The following SEMA6D variants were observed in gnomAD, a reference collection of about 807,000 sequenced individuals.
The protein encoded by SEMA6D is semaphorin-6D.
Under a neutral mutation model 106.6 loss-of-function variants are expected in SEMA6D, and 35 were observed. The ratio of observed to expected loss-of-function variants is 0.33; its 90% confidence interval spans 0.25 to 0.44. The LOEUF is 0.44. Among genes scored for constraint, SEMA6D ranks in the 20% least tolerant of loss-of-function variants. The pLI is 1.00. For synonymous variants in SEMA6D, 499 were observed against 487.7 expected (o/e 1.02, Z -0.31); for missense variants, 1,185 against 1,345.9 (o/e 0.88, Z 1.87).
chr15:47,271,719 A>G (rs1200744028), intron 1 of SEMA6D, among the ~76,000 whole-genome samples: 1 of 152,136 alleles, frequency 6.6e-6, no homozygotes, highest in African/African-American at 2.4e-5. Context: ...TTAAAAAGGT[A>G]TGGCAGAACT....
intron 1 of SEMA6D, among the ~76,000 whole-genome samples, chr15:47,206,949 T>TA (rs879491890): frequency 3.3e-5 from 5 of 151,802 alleles, no homozygotes; most frequent in Non-Finnish European, 7.4e-5. Context: ...AAAAATGCCT[T>TA]AAAAAACAAA....
chr15:47,427,601 G>A (rs986573646), intron 2 of SEMA6D, among the ~76,000 whole-genome samples: 4 of 152,084 alleles, frequency 2.6e-5, no homozygotes, highest in African/African-American at 9.7e-5. Flanking sequence ...CACTGGGTGT[G>A]ACATTACAAA....
rs180800795 is a variant in SEMA6D at position 47,394,687 on chromosome 15, T to C, written c.-238-17706T>C. Among the ~76,000 whole-genome samples the C allele has an allele frequency of 1.0e-3, 155 of 152,298 alleles. 1 individual carries two copies. Among genetic ancestry groups the C allele is most frequent in the African/African-American group, 3.7e-3 (153 of 41,574 alleles). The stretch of plus-strand genomic sequence containing the variant: ...TCACCTCACTTTTGAAATTCTGCAG[T>C]CTTCACTAGCCATTTGCTGGAGTTA... On this transcript the variant is annotated intron_variant, in intron 1 of 19. Coordinates refer to the SEMA6D transcript ENST00000558014.
At chr15:47,595,940 G>A (rs2076527676) in intron 3 of SEMA6D, among the ~76,000 whole-genome samples, 1 of 151,970 alleles carries the variant, frequency 6.6e-6, no homozygotes, top group East Asian at 1.9e-4. Flanking sequence ...AGAGGTCCTT[G>A]CCAGAGTAAT....
chr15:47,421,038 T>G (rs1380288747), intron 2 of SEMA6D, among the ~76,000 whole-genome samples: 2 of 152,182 alleles, frequency 1.3e-5, no homozygotes, highest in Admixed American at 6.6e-5. Context: ...TCTAATATGT[T>G]TGGACTTTTT....
chr15:47,731,063 G>C (rs186997144), intron 1 of SEMA6D: 5 of 565,964 alleles, frequency 8.8e-6, no homozygotes, highest in African/African-American at 7.5e-5. Context: ...TGTGAAAAGA[G>C]ACAGACACAC....
At chr15:47,374,771 T>G (rs924248882) in intron 1 of SEMA6D, among the ~76,000 whole-genome samples, 1 of 152,188 alleles carries the variant, frequency 6.6e-6, no homozygotes, top group South Asian at 2.1e-4. Flanking sequence ...GCTAGATGCC[T>G]TATTACTCCT....
At chr15:47,446,259 G>A (rs988762453) in intron 2 of SEMA6D, among the ~76,000 whole-genome samples, 9 of 152,102 alleles carry the variant, frequency 5.9e-5, no homozygotes, top group African/African-American at 1.9e-4. Flanking sequence ...CTTAGTCACT[G>A]TAAGGATGAC....
At chr15:47,561,307 GTTTAGAAATC>G (rs2046075206) in intron 3 of SEMA6D, among the ~76,000 whole-genome samples, 1 of 151,932 alleles carries the variant, frequency 6.6e-6, no homozygotes, top group Non-Finnish European at 1.5e-5. Context: ...AAACAATGAA[GTTTAGAAATC>G]AGTGGAATGA....
chr15:47,226,342 G>C (rs2031665367), intron 1 of SEMA6D, among the ~76,000 whole-genome samples: 2 of 151,986 alleles, frequency 1.3e-5, no homozygotes, highest in African/African-American at 2.4e-5. Context: ...AAGCCATCCA[G>C]TTTGTGGTAC....
At chr15:47,425,923 T>C (rs1322392889) in intron 2 of SEMA6D, among the ~76,000 whole-genome samples, 1 of 152,174 alleles carries the variant, frequency 6.6e-6, no homozygotes, top group African/African-American at 2.4e-5. Flanking sequence ...ACACCTGTTC[T>C]AATTACTTTT....
At chr15:47,750,671 G>A (rs574850653) in intron 1 of SEMA6D, among the ~76,000 whole-genome samples, 5 of 152,274 alleles carry the variant, frequency 3.3e-5, no homozygotes, top group Admixed American at 1.3e-4. Flanking sequence ...ACATGCCATG[G>A]GGCAGAGTTT....
intron 3 of SEMA6D, among the ~76,000 whole-genome samples, chr15:47,538,007 G>A (rs1207206378): frequency 1.3e-5 from 2 of 152,194 alleles, no homozygotes; most frequent in East Asian, 1.9e-4. Context: ...CACAGAACAT[G>A]AGACTGGATG....
intron 1 of SEMA6D, among the ~76,000 whole-genome samples, chr15:47,322,964 C>T (rs1048722700): frequency 1.3e-5 from 2 of 152,160 alleles, no homozygotes; most frequent in Non-Finnish European, 2.9e-5. Context: ...TCATTTTAGT[C>T]TCTTAGTCTT....
At chr15:47,243,903 A>T (rs728248) in intron 1 of SEMA6D, among the ~76,000 whole-genome samples, 114,398 of 152,082 alleles carry the variant, frequency 0.75, 45,241 homozygotes, top group Non-Finnish European at 0.89. Flanking sequence ...TCTACATGCT[A>T]TGGATATAGC....
At chr15:47,267,732 A>T (rs937525024) in intron 1 of SEMA6D, among the ~76,000 whole-genome samples, 3 of 151,796 alleles carry the variant, frequency 2.0e-5, no homozygotes, top group African/African-American at 7.3e-5. Flanking sequence ...TTGTTTTATC[A>T]TCTTCTTTTT....
intron 3 of SEMA6D, among the ~76,000 whole-genome samples, chr15:47,541,576 C>G (rs1433601295): frequency 6.6e-6 from 1 of 152,140 alleles, no homozygotes; most frequent in Non-Finnish European, 1.5e-5. Flanking sequence ...AAAAAAAGAA[C>G]TGTGAATGAA....
chr15:47,400,351 T>C (rs1339365081), intron 1 of SEMA6D, among the ~76,000 whole-genome samples: 2 of 151,984 alleles, frequency 1.3e-5, no homozygotes, highest in African/African-American at 2.4e-5. Context: ...TTAGCCGGTG[T>C]GGTGGTGTGC....
chr15:47,204,103 A>C (rs576475509), intron 1 of SEMA6D, among the ~76,000 whole-genome samples: 47 of 152,284 alleles, frequency 3.1e-4, no homozygotes, highest in Admixed American at 1.4e-3. Context: ...ACAACAATTC[A>C]GTTTCTATTC....
Sources: gnomAD v4.1 joint callset for allele counts (sites outside exome capture counted in the v4.1 genomes callset) on GRCh38, gnomAD v4.1.1 for gene constraint, MANE v1.5 for transcripts, NCBI Gene and HGNC (gene_info 2026-07-23, HGNC 2026-07-21) for gene names.